The following SGCD variants were observed in gnomAD, a reference collection of about 807,000 sequenced individuals.
SGCD encodes the protein sarcoglycan delta, also known as delta-sarcoglycan.
A neutral mutation model predicts 36.6 loss-of-function variants in SGCD; 18 were observed. The ratio of observed to expected loss-of-function variants is 0.49; its 90% CI spans 0.34 to 0.73. The LOEUF (loss-of-function observed/expected upper bound fraction) is 0.73, where lower values mean the gene tolerates loss of function less well. Among genes scored for constraint, SGCD ranks in the 30% least tolerant of loss-of-function variants. SGCD has a pLI of 0.01. For synonymous variants in SGCD, 133 were observed against 130.6 expected, an observed-to-expected ratio of 1.02 and a Z score of -0.12; for missense variants, 387 against 346.7, an observed-to-expected ratio of 1.12 and a Z score of -0.92.
chr5:156,516,085 T>C (rs1757146207), intron 4 of SGCD, among the ~76,000 whole-genome samples: 1 of 152,232 alleles, frequency 6.6e-6, no homozygotes, highest in African/African-American at 2.4e-5. Flanking sequence ...TAGTCTTTCC[T>C]GCCTGCTGGC....
chr5:156,114,700 CT>C (rs1159075658), intron 1 of SGCD, among the ~76,000 whole-genome samples: 1 of 151,956 alleles, frequency 6.6e-6, no homozygotes, highest in Non-Finnish European at 1.5e-5. Context: ...AGACTTTTTC[CT>C]AATCATCAAG....
intron 1 of SGCD, among the ~76,000 whole-genome samples, chr5:155,926,963 A>T (rs1757007475): frequency 1.3e-5 from 2 of 152,138 alleles, no homozygotes; most frequent in African/African-American, 4.8e-5. Context: ...AGTCAGGAAA[A>T]TGTGCTTCTG....
intron 3 of SGCD, among the ~76,000 whole-genome samples, chr5:156,406,398 C>T (rs914034434): frequency 1.3e-5 from 2 of 152,128 alleles, no homozygotes; most frequent in Admixed American, 6.5e-5. Context: ...ATAAGTTTTA[C>T]TCACCTACTT....
At chr5:156,649,743 G>T (rs1233368020) in intron 7 of SGCD, among the ~76,000 whole-genome samples, 1 of 151,930 alleles carries the variant, frequency 6.6e-6, no homozygotes. Flanking sequence ...GATAGCATTA[G>T]GAGATATACC....
chr5:156,170,088 A>G (rs1307834850), intron 3 of SGCD, among the ~76,000 whole-genome samples: 2 of 152,206 alleles, frequency 1.3e-5, no homozygotes, highest in Admixed American at 6.6e-5. Context: ...CTGAAGAAGC[A>G]GTAACACCAG....
intron 1 of SGCD, among the ~76,000 whole-genome samples, chr5:156,084,867 TA>T (rs2127592497): frequency 6.6e-6 from 1 of 152,348 alleles, no homozygotes; most frequent in Non-Finnish European, 1.5e-5. Context: ...GATTTCCCTC[TA>T]TCCTAACTTG....
intron 1 of SGCD, among the ~76,000 whole-genome samples, chr5:155,970,075 G>A (rs1219746231): frequency 6.6e-6 from 1 of 151,922 alleles, no homozygotes; most frequent in Non-Finnish European, 1.5e-5. Context: ...TAAGCCTCAG[G>A]CCTTTCCAAG....
rs550778486 is a variant in SGCD at position 156,075,071 on chromosome 5, C to T, written c.-281-42807C>T. ...TGAGAAATTATATTTTTCACAAATA[C>T]AAATGTACGAAAAGGACATCTCTTC... On this transcript the variant is annotated intron_variant, in intron 1 of 9. Transcript: ENST00000517913. 1.1e-4 allele frequency among the ~76,000 whole-genome samples: 16 copies of T among 152,236 alleles called. No individual in the cohort carries two copies. The South Asian group carries it at 3.3e-3, about 32-fold the overall frequency.
chr5:156,436,396 C>T (rs1221327471), intron 3 of SGCD, among the ~76,000 whole-genome samples: 1 of 152,198 alleles, frequency 6.6e-6, no homozygotes, highest in Non-Finnish European at 1.5e-5. Context: ...GGGTTCTTAT[C>T]ATATTGAAAT....
intron 3 of SGCD, among the ~76,000 whole-genome samples, chr5:156,448,747 T>C (rs1753859806): frequency 7.3e-6 from 1 of 136,126 alleles, no homozygotes; most frequent in African/African-American, 2.8e-5. Flanking sequence ...TTTTTTTTTT[T>C]TTTTTTTTTT....
intron 3 of SGCD, among the ~76,000 whole-genome samples, chr5:156,319,310 T>C (rs1767599931): frequency 6.6e-6 from 1 of 152,202 alleles, no homozygotes; most frequent in South Asian, 2.1e-4. Context: ...AGGAATGTTT[T>C]TCTTCAATTC....
chr5:156,413,699 T>C (rs1772886689), intron 3 of SGCD, among the ~76,000 whole-genome samples: 2 of 152,220 alleles, frequency 1.3e-5, no homozygotes, highest in Admixed American at 1.3e-4. Flanking sequence ...GAACTTTTTA[T>C]AGTAGTTGTT....
At chr5:156,440,644 T>C (rs1580996525) in intron 3 of SGCD, among the ~76,000 whole-genome samples, 1 of 152,280 alleles carries the variant, frequency 6.6e-6, no homozygotes, top group Middle Eastern at 3.4e-3. Flanking sequence ...TTTTTTATTA[T>C]TGCCATCCTA....
chr5:156,592,607 C>G (rs573540293), intron 5 of SGCD, among the ~76,000 whole-genome samples: 1 of 152,096 alleles, frequency 6.6e-6, no homozygotes, highest in Admixed American at 6.6e-5. Context: ...AAATAAATGC[C>G]CCTTTCCTTC....
chr5:156,179,590 C>T (rs938881212), intron 3 of SGCD, among the ~76,000 whole-genome samples: 14 of 151,570 alleles, frequency 9.2e-5, no homozygotes, highest in African/African-American at 3.4e-4. Flanking sequence ...CCCTTCTCCT[C>T]ACCCCAATGA....
chr5:156,269,706 A>G (rs907334481), intron 3 of SGCD, among the ~76,000 whole-genome samples: 3 of 151,942 alleles, frequency 2.0e-5, no homozygotes, highest in African/African-American at 7.2e-5. Flanking sequence ...TCACTTTTAA[A>G]TGGGATTGTT....
chr5:156,256,391 T>C (rs1198144296), intron 3 of SGCD, among the ~76,000 whole-genome samples: 1 of 152,192 alleles, frequency 6.6e-6, no homozygotes, highest in African/African-American at 2.4e-5. Flanking sequence ...TCAGTTTTGC[T>C]GGTATTTGAA....
chr5:156,279,180 G>A (rs951602333), intron 3 of SGCD, among the ~76,000 whole-genome samples: 1 of 152,122 alleles, frequency 6.6e-6, no homozygotes, highest in Admixed American at 6.6e-5. Context: ...GAGGACTTGA[G>A]CCTGATCTGT....
At position 155,989,541 on chromosome 5, in the gene SGCD, A is replaced by G. The variant is rs561238416; in HGVS notation, c.-282+119117A>G. On this transcript the variant is annotated intron_variant, in intron 1 of 9. Transcript: ENST00000517913. ...TTGTTATTCGCTCTCTCACCTCTCA[A>G]ATCTCCTTTCCAATCAAAGACTGTG... Among the ~76,000 whole-genome samples the G allele has an allele frequency of 2.0e-5, 3 of 152,138 alleles. No homozygotes were observed. The East Asian group carries it at 5.8e-4, about 29-fold the overall frequency.
Sources: gnomAD v4.1 joint callset for allele counts (sites outside exome capture counted in the v4.1 genomes callset) on GRCh38, gnomAD v4.1.1 for gene constraint, MANE v1.5 for transcripts, NCBI Gene and HGNC (gene_info 2026-07-23, HGNC 2026-07-21) for gene names.